Variants in BMPR1B observed in about 807,000 individuals in gnomAD.
BMPR1B encodes the protein bone morphogenetic protein receptor type 1B.
In BMPR1B, 12 loss-of-function variants were observed where a neutral mutation model predicts 59.1. The ratio of observed to expected loss-of-function variants is 0.20; its 90% CI spans 0.13 to 0.33. The LOEUF (loss-of-function observed/expected upper bound fraction) is 0.33. BMPR1B is among the 10% of genes least tolerant of loss of function. The probability of loss-of-function intolerance (pLI) is 1.00; values close to 1 mark genes in which losing one functional copy is unlikely to be tolerated. For missense variants in BMPR1B, 550 were observed against 610.9 expected, an observed-to-expected ratio of 0.90 and a Z score of 1.05; for synonymous variants, 237 against 207.3, an observed-to-expected ratio of 1.14 and a Z score of -1.23.
intron 10 of BMPR1B, among the ~76,000 whole-genome samples, chr4:95,142,506 T>A (rs1734308821): frequency 6.6e-6 from 1 of 152,158 alleles, no homozygotes; most frequent in South Asian, 2.1e-4. Context: ...GCTTTTTAGA[T>A]TTTTTAAGGG....
intron 2 of BMPR1B, among the ~76,000 whole-genome samples, chr4:94,980,742 G>GTGAA (rs1371367512): frequency 3.3e-5 from 5 of 152,206 alleles, no homozygotes; most frequent in Admixed American, 2.0e-4. Flanking sequence ...GGAAAAATTA[G>GTGAA]TGAATGAATG....
intron 3 of BMPR1B, among the ~76,000 whole-genome samples, chr4:95,060,448 C>T (rs1727274491): frequency 6.6e-6 from 1 of 152,090 alleles, no homozygotes; most frequent in Non-Finnish European, 1.5e-5. Flanking sequence ...AACAGTTGTC[C>T]TAGCACTACA....
intron 1 of BMPR1B, among the ~76,000 whole-genome samples, chr4:94,859,725 AGTTAC>A (rs1182054293): frequency 6.7e-6 from 1 of 149,724 alleles, no homozygotes; most frequent in Non-Finnish European, 1.5e-5. Flanking sequence ...AAAAAAAAAG[AGTTAC>A]TATGCAGTGA....
intron 2 of BMPR1B, among the ~76,000 whole-genome samples, chr4:94,926,819 G>A (rs78058071): frequency 0.019 from 2,929 of 152,102 alleles, 59 homozygotes; most frequent in East Asian, 0.096. Flanking sequence ...AGTAGATAAT[G>A]TTTAGAAAAC....
intron 1 of BMPR1B, among the ~76,000 whole-genome samples, chr4:94,842,032 A>T (rs960124634): frequency 6.6e-6 from 1 of 152,284 alleles, no homozygotes; most frequent in African/African-American, 2.4e-5. Context: ...GATGCTGATG[A>T]TACACTCAGG....
chr4:94,976,357 A>G (rs542764421), intron 2 of BMPR1B, among the ~76,000 whole-genome samples: 19 of 152,358 alleles, frequency 1.2e-4, no homozygotes, highest in African/African-American at 4.6e-4. Context: ...AGGTGAGGTA[A>G]TATAGACTCC....
chr4:94,959,603 T>G (rs1730278763), intron 2 of BMPR1B, among the ~76,000 whole-genome samples: 1 of 152,206 alleles, frequency 6.6e-6, no homozygotes, highest in South Asian at 2.1e-4. Context: ...TTGGCTATCT[T>G]TATAAGGACA....
At chr4:94,929,059 C>T (rs929466812) in intron 2 of BMPR1B, among the ~76,000 whole-genome samples, 1 of 152,090 alleles carries the variant, frequency 6.6e-6, no homozygotes, top group Non-Finnish European at 1.5e-5. Flanking sequence ...GGCAATGCCT[C>T]CCAACAATTC....
chr4:95,083,059 A>AAAT (rs1729298145), intron 3 of BMPR1B, among the ~76,000 whole-genome samples: 1 of 150,434 alleles, frequency 6.6e-6, no homozygotes, highest in Non-Finnish European at 1.5e-5. Context: ...AAAAAAAAAA[A>AAAT]AGAATCATAA....
chr4:94,892,962 G>T (rs1727456309), intron 2 of BMPR1B, among the ~76,000 whole-genome samples: 1 of 151,918 alleles, frequency 6.6e-6, no homozygotes, highest in African/African-American at 2.4e-5. Flanking sequence ...CTGTAAAGTG[G>T]GGATATCAGT....
intron 3 of BMPR1B, among the ~76,000 whole-genome samples, chr4:95,038,354 T>C (rs539982517): frequency 1.3e-5 from 2 of 152,326 alleles, no homozygotes; most frequent in African/African-American, 2.4e-5. Flanking sequence ...GGTCTAGGAT[T>C]GGCAACTCTC....
At chr4:94,825,377 T>A (rs561758736) in intron 1 of BMPR1B, among the ~76,000 whole-genome samples, 1 of 152,136 alleles carries the variant, frequency 6.6e-6, no homozygotes, top group Admixed American at 6.5e-5. Context: ...GTGTGGCATA[T>A]ACCTGTAGTC....
intron 2 of BMPR1B, among the ~76,000 whole-genome samples, chr4:94,927,338 A>G (rs1167205375): frequency 6.6e-6 from 1 of 152,172 alleles, no homozygotes; most frequent in African/African-American, 2.4e-5. Context: ...TGCTAATGGC[A>G]TTTAAGGCAA....
chr4:95,044,670 G>A (rs556647104), intron 3 of BMPR1B, among the ~76,000 whole-genome samples: 2 of 152,178 alleles, frequency 1.3e-5, no homozygotes, highest in Non-Finnish European at 2.9e-5. Context: ...AAGGGAGAAA[G>A]GGATTGTTTA....
chr4:94,908,898 A>G (rs1373965961), intron 2 of BMPR1B, among the ~76,000 whole-genome samples: 1 of 152,084 alleles, frequency 6.6e-6, no homozygotes, highest in Non-Finnish European at 1.5e-5. Flanking sequence ...AAATTACTAC[A>G]AACTTGGTGT....
intron 2 of BMPR1B, among the ~76,000 whole-genome samples, chr4:94,978,781 T>C (rs903298051): frequency 7.9e-5 from 12 of 152,208 alleles, no homozygotes; most frequent in South Asian, 4.2e-4. Flanking sequence ...TCTGTTCTCA[T>C]GCTGCTAATA....
chr4:95,097,252 A>G (rs1288048268), intron 3 of BMPR1B, among the ~76,000 whole-genome samples: 1 of 150,676 alleles, frequency 6.6e-6, no homozygotes, highest in African/African-American at 2.4e-5. Flanking sequence ...AAGAGAGAAG[A>G]GAGGGGAGGG....
chr4:95,006,799 A>T lies in BMPR1B; in HGVS notation c.-18+10665A>T, dbSNP rs1453035028. ...CGTGATCCACCCGCCTCGGCCTCCC[A>T]AAGTGCTAGCATTACAGGCATGAGC... On this transcript the variant is annotated intron_variant, in intron 3 of 12. Coordinates refer to ENST00000515059, the MANE Select transcript of BMPR1B (RefSeq NM_001203.3). Among the ~76,000 whole-genome samples the T allele has an allele frequency of 4.6e-5, 7 of 152,060 alleles. No individual in the cohort carries two copies. The East Asian group carries it at 7.7e-4, about 17-fold the overall frequency.
rs190794158 is a variant in BMPR1B at position 95,000,038 on chromosome 4, A to G, written c.-18+3904A>G. On this transcript the variant is annotated intron_variant, in intron 3 of 12. Coordinates refer to ENST00000515059, the MANE Select transcript of BMPR1B (RefSeq NM_001203.3). ...TAATTGTATTTTATTTGCCCATCAT[A>G]CATAAAAGTACTTACATTATATATG... Among the ~76,000 whole-genome samples the G allele has an allele frequency of 2.0e-3, 299 of 152,348 alleles. 3 individuals carry two copies. Among genetic ancestry groups the G allele is most frequent in the Non-Finnish European group, 3.5e-3 (241 of 68,020 alleles).
Sources: gnomAD v4.1 joint callset for allele counts (sites outside exome capture counted in the v4.1 genomes callset) on GRCh38, gnomAD v4.1.1 for gene constraint, MANE v1.5 for transcripts, NCBI Gene and HGNC (gene_info 2026-07-23, HGNC 2026-07-21) for gene names.